NBAS: variants seen among roughly 807,000 people sequenced by gnomAD.
NBAS encodes NAG/BC035112 fusion.
NBAS carries 219 observed loss-of-function variants against 302.5 expected under a neutral mutation model. That is an observed-to-expected ratio of 0.72 (90% confidence interval 0.65 to 0.81). The LOEUF is 0.81. NBAS is among the 30% of genes least tolerant of loss of function. NBAS has a pLI of 0.00. For missense variants in NBAS, 2,932 were observed against 2,841.6 expected (o/e 1.03, Z -0.72); for synonymous variants, 1,118 against 1,021.6 (o/e 1.09, Z -1.80).
chr2:14,937,804 C>T, the NBAS span, among the ~76,000 whole-genome samples: 2 of 152,116 alleles, frequency 1.3e-5, no homozygotes, highest in Admixed American at 1.3e-4. Flanking sequence ...TTTATCTCTG[C>T]ACCTCATTTG....
the NBAS span, among the ~76,000 whole-genome samples, chr2:15,024,849 T>G: frequency 0.77 from 117,215 of 152,114 alleles, 45,434 homozygotes; most frequent in East Asian, 1. Context: ...AGTTCCTGTA[T>G]ATTCTGGATA....
chr2:15,199,497 T>C (rs1040402594), intron 48 of NBAS, among the ~76,000 whole-genome samples: 25 of 152,216 alleles, frequency 1.6e-4, no homozygotes, highest in African/African-American at 6.0e-4. Flanking sequence ...AGAGATCTCA[T>C]GTAAGTCTCC....
intron 28 of NBAS, among the ~76,000 whole-genome samples, chr2:15,390,701 G>A (rs551915167): frequency 2.0e-5 from 3 of 152,018 alleles, no homozygotes; most frequent in Non-Finnish European, 4.4e-5. Flanking sequence ...CCCATCACTT[G>A]GTGTTGTATA....
intron 19 of NBAS, among the ~76,000 whole-genome samples, chr2:15,464,959 C>T (rs777523373): frequency 1.3e-5 from 2 of 152,202 alleles, no homozygotes; most frequent in East Asian, 1.9e-4. Flanking sequence ...GTCAGAGAGA[C>T]CTGATTATGA....
chr2:15,007,754 G>A, the NBAS span, among the ~76,000 whole-genome samples: 1 of 152,148 alleles, frequency 6.6e-6, no homozygotes, highest in African/African-American at 2.4e-5. Context: ...TGATAGTAAA[G>A]GCTAAAGACC....
intron 9 of NBAS, among the ~76,000 whole-genome samples, chr2:15,512,998 A>G (rs1270120462): frequency 6.6e-6 from 1 of 152,186 alleles, no homozygotes; most frequent in Non-Finnish European, 1.5e-5. Context: ...TTCTGAACTA[A>G]GCTAACAATA....
At chr2:15,510,199 G>A (rs1558400392) in intron 10 of NBAS, among the ~76,000 whole-genome samples, 1 of 152,226 alleles carries the variant, frequency 6.6e-6, no homozygotes, top group East Asian at 1.9e-4. Context: ...ATGCAAGACT[G>A]CAGTGTGGCC....
At chr2:15,245,820 T>C (rs2147968441) in intron 44 of NBAS, among the ~76,000 whole-genome samples, 1 of 152,304 alleles carries the variant, frequency 6.6e-6, no homozygotes. Context: ...TGTTAGGCTT[T>C]GCAGGCCACA....
chr2:15,378,250 G>A (rs573928783), intron 30 of NBAS, among the ~76,000 whole-genome samples: 2 of 152,166 alleles, frequency 1.3e-5, no homozygotes, highest in African/African-American at 4.8e-5. Flanking sequence ...ACACAACTCT[G>A]AGTAAGAAAA....
the NBAS span, among the ~76,000 whole-genome samples, chr2:14,998,940 G>A: frequency 1.8e-4 from 27 of 152,212 alleles, no homozygotes; most frequent in East Asian, 5.8e-4. Flanking sequence ...GGCAATCATC[G>A]AATTAGTCCT....
chr2:15,450,328 G>C (rs1678947388), intron 21 of NBAS, among the ~76,000 whole-genome samples: 1 of 152,070 alleles, frequency 6.6e-6, no homozygotes, highest in Admixed American at 6.6e-5. Context: ...AAATACTTTG[G>C]ATTAAATATA....
chr2:14,800,621 T>C, the NBAS span, among the ~76,000 whole-genome samples: 1 of 152,222 alleles, frequency 6.6e-6, no homozygotes, highest in Admixed American at 6.5e-5. Flanking sequence ...CATCACAGTA[T>C]GTCTTCAATT....
At chr2:15,241,577 T>C (rs1222513258) in intron 44 of NBAS, among the ~76,000 whole-genome samples, 1 of 152,190 alleles carries the variant, frequency 6.6e-6, no homozygotes, top group East Asian at 1.9e-4. Flanking sequence ...CTTTAGTTTC[T>C]TCATCTACAA....
the NBAS span, among the ~76,000 whole-genome samples, chr2:14,786,120 T>C: frequency 6.6e-6 from 1 of 152,232 alleles, no homozygotes; most frequent in Non-Finnish European, 1.5e-5. Flanking sequence ...GAGGTGTTTG[T>C]AGTATTCTCT....
intron 14 of NBAS, among the ~76,000 whole-genome samples, chr2:15,474,997 A>G (rs1032963225): frequency 1.3e-5 from 2 of 152,216 alleles, no homozygotes; most frequent in Non-Finnish European, 2.9e-5. Flanking sequence ...TTTTACCAAG[A>G]ATAGCTCTCC....
the NBAS span, among the ~76,000 whole-genome samples, chr2:15,084,644 A>G: frequency 6.7e-6 from 1 of 150,072 alleles, no homozygotes; most frequent in Non-Finnish European, 1.5e-5. Flanking sequence ...TTCTGGAGGC[A>G]GGAAAAGCTG....
intron 40 of NBAS, among the ~76,000 whole-genome samples, chr2:15,306,957 T>G (rs1375524772): frequency 6.6e-6 from 1 of 152,220 alleles, no homozygotes; most frequent in African/African-American, 2.4e-5. Context: ...TGCAATAGTT[T>G]GTGTGACTTG....
At chr2:15,387,002 G>A (rs1199570968) in intron 28 of NBAS, among the ~76,000 whole-genome samples, 1 of 151,878 alleles carries the variant, frequency 6.6e-6, no homozygotes, top group African/African-American at 2.4e-5. Context: ...CTGACACAAA[G>A]TATGTCAAAA....
the NBAS span, among the ~76,000 whole-genome samples, chr2:15,118,371 C>T: frequency 1.3e-5 from 2 of 152,218 alleles, no homozygotes; most frequent in Admixed American, 1.3e-4. Flanking sequence ...CCATTGTCAT[C>T]ACTGAAGAAT....
Sources: allele counts gnomAD v4.1 joint callset (sites outside exome capture counted in the v4.1 genomes callset), GRCh38; gene constraint gnomAD v4.1.1; transcripts MANE v1.5; gene names NCBI Gene and HGNC (gene_info 2026-07-23, HGNC 2026-07-21).